ADGRE3: variants seen among roughly 807,000 people sequenced by gnomAD.
The protein encoded by ADGRE3 is EGF-like module receptor 3.
ADGRE3 carries 88 observed loss-of-function variants against 80.1 expected under a neutral mutation model. That is an observed-to-expected ratio of 1.10 (90% CI 0.93 to 1.31). The LOEUF is 1.31. Among genes scored for constraint, ADGRE3 ranks in the 40% most tolerant of loss-of-function variants. ADGRE3 has a pLI of 0.00. For missense variants in ADGRE3, 715 were observed against 776.5 expected (o/e 0.92, Z 0.94); for synonymous variants, 281 against 294.8 (o/e 0.95, Z 0.48).
intron 1 of ADGRE3, among the ~76,000 whole-genome samples, chr19:14,670,231 T>C (rs779898030): frequency 6.6e-6 from 1 of 152,128 alleles, no homozygotes; most frequent in Non-Finnish European, 1.5e-5. Context: ...CCTTCACCTG[T>C]TGTCTCAGGG....
downstream of ADGRE3, among the ~76,000 whole-genome samples, chr19:14,614,657 A>G (rs1201419290): frequency 2.7e-5 from 4 of 148,088 alleles, no homozygotes; most frequent in Non-Finnish European, 6.0e-5. Context: ...GCTCACTGCA[A>G]CCTTTGCCTC....
intron 2 of ADGRE3, among the ~76,000 whole-genome samples, chr19:14,667,928 A>G (rs1430536910): frequency 6.6e-6 from 1 of 152,112 alleles, no homozygotes; most frequent in Non-Finnish European, 1.5e-5. Context: ...AACTGTTTTC[A>G]TCTTGTAAAA....
At chr19:14,620,395 T>TAC (rs1436756660) in intron 15 of ADGRE3, among the ~76,000 whole-genome samples, 2 of 121,426 alleles carry the variant, frequency 1.6e-5, no homozygotes, top group African/African-American at 6.5e-5. Context: ...TATACATGTA[T>TAC]ATATGAATAT....
At chr19:14,608,298 T>C in the ADGRE3 span, among the ~76,000 whole-genome samples, 3 of 152,182 alleles carry the variant, frequency 2.0e-5, no homozygotes, top group African/African-American at 7.2e-5. Context: ...GGATTTGTCA[T>C]TGGCAAAGAA....
chr19:14,612,453 G>A, the ADGRE3 span, among the ~76,000 whole-genome samples: 1 of 152,006 alleles, frequency 6.6e-6, no homozygotes, highest in Non-Finnish European at 1.5e-5. Context: ...TCCCGCCTCA[G>A]CCTCCTGAGT....
intron 4 of ADGRE3, among the ~76,000 whole-genome samples, chr19:14,659,064 C>T (rs1388668391): frequency 5.5e-5 from 8 of 146,382 alleles, no homozygotes; most frequent in Admixed American, 4.8e-4. Flanking sequence ...TAGATAGGGT[C>T]TCATTCTGCT....
rs374654153 is a variant in ADGRE3 at position 14,668,592 on chromosome 19, C to A, written c.76+210G>T. 65 of 545,810 alleles carry A rather than the reference C, an allele frequency of 1.2e-4. 1 individual carries two copies. The South Asian group carries it at 1.7e-3, about 14-fold the overall frequency. 33.8% of individuals were successfully genotyped at this position (545,810 alleles called of 1,614,324 possible). ...ACTCACTGTGGTTAGCAAAAACAGA[C>A]AAATTAAAAATCAAACAAAACGATA... On this transcript the variant is annotated intron_variant, in intron 2 of 15. Transcript: ENST00000253673.
chr19:14,620,568 A>ATATATAT (rs1435435269), intron 15 of ADGRE3, among the ~76,000 whole-genome samples: 5 of 11,052 alleles, frequency 4.5e-4, no homozygotes, highest in Non-Finnish European at 7.4e-4. Context: ...ATATATATAT[A>ATATATAT]TTTTTTTTTT....
At position 14,644,002 on chromosome 19, in the gene ADGRE3, T is replaced by C. The variant is rs953303033; in HGVS notation, c.1050+106A>G. On this transcript the variant is annotated intron_variant, in intron 9 of 15. Transcript: ENST00000253673. ...CTGGGATTAAAGGCATGAGTCACCA[T>C]GCTCGGCCTTTTTTCAGTTTTTTTT... is the stretch of plus-strand genomic sequence containing the variant. The C allele has an allele frequency of 2.1e-5, 15 of 718,644 alleles. No individual in the cohort carries two copies. The African/African-American group carries it at 2.3e-4, about 11-fold the overall frequency. 44.5% of individuals were successfully genotyped at this position (718,644 alleles called of 1,614,324 possible). A position where few individuals can be genotyped will look rare whatever the true frequency, so the allele number is the denominator to read the frequency against.
At position 14,647,343 on chromosome 19, in the gene ADGRE3, G is replaced by GAAGA; in HGVS notation, c.719_720insTCTT (p.Ser241LeufsTer16). On this transcript the variant is annotated frameshift_variant, in exon 8 of 16. Transcript: ENST00000253673. LOFTEE classifies it high-confidence loss of function. ...TGATGTTTCCAAGAGAAGAATATGA[G>GAAGA]ATAAAGGCAATGGCACTGGGACCTG... is the stretch of plus-strand genomic sequence containing the variant. The GAAGA allele has an allele frequency of 1.2e-6, 2 of 1,608,312 alleles. No homozygotes were observed. The highest frequency in any genetic ancestry group is 1.7e-6 in the Non-Finnish European group (2 of 1,175,550).
intron 7 of ADGRE3, among the ~76,000 whole-genome samples, chr19:14,650,858 C>G (rs1384472509): frequency 2.6e-5 from 4 of 152,124 alleles, no homozygotes; most frequent in Non-Finnish European, 2.9e-5. Context: ...ACAGGCAGAA[C>G]AGCACTCCCC....
intron 1 of ADGRE3, among the ~76,000 whole-genome samples, chr19:14,672,242 T>A (rs1220033356): frequency 6.6e-6 from 1 of 152,194 alleles, no homozygotes; most frequent in Non-Finnish European, 1.5e-5. Context: ...CTCACTAATT[T>A]GGGCAAAGGT....
chr19:14,642,439 A>T (rs1971280317), intron 9 of ADGRE3, among the ~76,000 whole-genome samples: 1 of 152,130 alleles, frequency 6.6e-6, no homozygotes, highest in Non-Finnish European at 1.5e-5. Context: ...GATTTAAAAA[A>T]CTTTTTTAAG....
chr19:14,670,196 G>A lies in ADGRE3; in HGVS notation c.26-1344C>T, dbSNP rs113081094. Among the ~76,000 whole-genome samples the A allele has an allele frequency of 1.7e-3, 266 of 152,280 alleles. 3 individuals carry two copies. The highest frequency in any genetic ancestry group is 5.6e-3 in the African/African-American group (233 of 41,560). The stretch of plus-strand genomic sequence containing the variant: ...GTCAGTTAGTGGATGGGGCTGCAAC[G>A]GCTGAGAACTAGCTGGGCATTGTCC... On this transcript the variant is annotated intron_variant, in intron 1 of 15. Coordinates refer to ENST00000253673, the MANE Select transcript of ADGRE3 (RefSeq NM_032571.5).
chr19:14,607,455 G>A, the ADGRE3 span, among the ~76,000 whole-genome samples: 7 of 151,880 alleles, frequency 4.6e-5, no homozygotes, highest in South Asian at 2.1e-4. Flanking sequence ...TGCCCGCCTT[G>A]GCCTCCCAAA....
At chr19:14,644,368 T>A (rs1814847218) in intron 8 of ADGRE3, 93 bp from the exon 9 acceptor site, 2 of 897,890 alleles carry the variant, frequency 2.2e-6, no homozygotes, top group South Asian at 2.1e-5. Context: ...TTACTCAGGC[T>A]GGAGTGCAGT....
chr19:14,652,553 G>T (rs1971636148), intron 6 of ADGRE3, among the ~76,000 whole-genome samples: 1 of 151,996 alleles, frequency 6.6e-6, no homozygotes, highest in South Asian at 2.1e-4. Context: ...GCTGAGGCCA[G>T]TTGATTGCTT....
the ADGRE3 span, among the ~76,000 whole-genome samples, chr19:14,611,404 G>A: frequency 8.5e-6 from 1 of 117,688 alleles, no homozygotes; most frequent in Non-Finnish European, 1.7e-5. Context: ...TTGAGATAGG[G>A]TTTCATTCTA....
At chr19:14,652,897 G>T (rs1359051861) in intron 6 of ADGRE3, among the ~76,000 whole-genome samples, 4 of 151,138 alleles carry the variant, frequency 2.6e-5, no homozygotes, top group East Asian at 3.9e-4. Context: ...CTCTAATTAT[G>T]TATTAATGTT....
Sources: gnomAD v4.1 joint callset for allele counts (sites outside exome capture counted in the v4.1 genomes callset) on GRCh38, gnomAD v4.1.1 for gene constraint, MANE v1.5 for transcripts, NCBI Gene and HGNC (gene_info 2026-07-23, HGNC 2026-07-21) for gene names.